Variants in CDV3 observed in about 807,000 individuals in gnomAD.
The protein encoded by CDV3 is protein CDV3 homolog.
In CDV3, 14 loss-of-function variants were observed where a neutral mutation model predicts 24.5. The observed-to-expected ratio is 0.57, with a 90% CI of 0.38 to 0.89. CDV3 has a LOEUF of 0.89. Ranked by LOEUF, CDV3 falls within the 40% of genes least tolerant of loss-of-function variation. The pLI is 0.00. For missense variants in CDV3, 304 were observed against 310.2 expected (o/e 0.98, Z 0.15); for synonymous variants, 114 against 114.1 (o/e 1.00, Z 0.00).
intron 2 of CDV3, among the ~76,000 whole-genome samples, chr3:133,581,039 T>G (rs998375506): frequency 9.2e-5 from 14 of 152,094 alleles, no homozygotes; most frequent in African/African-American, 3.4e-4. Context: ...AAACTTCCAG[T>G]TGAGATACTG....
At chr3:133,587,312 A>G (rs1024204740) in intron 4 of CDV3, 6 of 1,257,106 alleles carry the variant, frequency 4.8e-6, no homozygotes, top group Non-Finnish European at 6.1e-6. Context: ...GGCTTTTAGA[A>G]TAAATCCCAG....
chr3:133,581,831 A>T (rs1246292098), intron 2 of CDV3, among the ~76,000 whole-genome samples: 1 of 152,242 alleles, frequency 6.6e-6, no homozygotes, highest in Admixed American at 6.5e-5. Context: ...TTTATATGAC[A>T]TGAATACTAC....
At position 133,588,797 on chromosome 3, in the gene CDV3, GTT is replaced by G. The variant is rs36026901; in HGVS notation, c.*762_*763del. The G allele has an allele frequency of 2.3e-3, 351 of 151,218 alleles. 2 individuals are homozygous for G. Among genetic ancestry groups the G allele is most frequent in the East Asian group, 0.015 (82 of 5,316 alleles). The allele number at this position is 151,218 out of a possible 1,614,324, so 9.4% of individuals were successfully genotyped here. A position where few individuals can be genotyped will look rare whatever the true frequency, so the allele number is the denominator to read the frequency against. ...GGGAAGGGAGAGAATAATCTTGGGG[GTT>G]TTTTTTTTTTGGTAATTTTTTTATT... On this transcript the variant is annotated 3_prime_UTR_variant, in exon 5 of 5. Transcript: ENST00000264993.
rs189599320 is a variant in CDV3, at chr3:133,577,336, C to T, written c.317+2221C>T. ...TTTCTATTTCTCGGTATACTGAGAG[C>T]TGCAGATGTCACATTCAGTCTTTTT... On this transcript the variant is annotated intron_variant, in intron 2 of 4. Coordinates refer to ENST00000264993, the MANE Select transcript of CDV3 (RefSeq NM_017548.5). Among the ~76,000 whole-genome samples the T allele has an allele frequency of 1.3e-4, 20 of 151,210 alleles. No individual in the cohort carries two copies. In the East Asian group the frequency reaches 2.9e-3, roughly 22 times the overall value.
intron 1 of CDV3, chr3:133,574,719 A>G (rs938690861): frequency 1.2e-5 from 13 of 1,091,560 alleles, no homozygotes; most frequent in African/African-American, 1.7e-5. Flanking sequence ...CCCGTGAAAG[A>G]AAAAGAAAAC....
chr3:133,582,530 G>T (rs1176131665), intron 2 of CDV3, among the ~76,000 whole-genome samples: 1 of 152,232 alleles, frequency 6.6e-6, no homozygotes, highest in African/African-American at 2.4e-5. Context: ...AGCTAGTCAA[G>T]AACTTTGTCT....
chr3:133,585,525 C>T (rs1365235596), intron 3 of CDV3, among the ~76,000 whole-genome samples: 2 of 148,016 alleles, frequency 1.4e-5, no homozygotes, highest in Admixed American at 6.8e-5. Context: ...GACAAAGTCT[C>T]ACTCTCTTGC....
chr3:133,574,431 C>G (rs1420413379), intron 1 of CDV3, 147 bp downstream of exon 1: 2 of 984,786 alleles, frequency 2.0e-6, no homozygotes, highest in Non-Finnish European at 2.4e-6. Context: ...GGCTCTCCAC[C>G]TCGGGCTGGG....
In CDV3 at chr3:133,588,345, A is replaced by G; in HGVS notation, c.*299A>G. On this transcript the variant is annotated 3_prime_UTR_variant, in exon 5 of 5. Transcript: ENST00000264993. ...CCAGTGGTCATTTCAAAATCTTTTT[A>G]TGTTCAGATACTGAGCCTTCATAAG... 6.5e-7 allele frequency: 1 copy of G among 1,536,250 alleles called. No individual in the cohort carries two copies. Among genetic ancestry groups the G allele is most frequent in the South Asian group, 1.2e-5 (1 of 84,062 alleles).
chr3:133,587,324 C>T, intron 4 of CDV3: 3 of 1,254,746 alleles, frequency 2.4e-6, no homozygotes, highest in East Asian at 3.2e-5. Flanking sequence ...AAATCCCAGC[C>T]TTTTCACCAC....
At chr3:133,575,369 TGAGACAGCTAAAGTG>T (rs2074767049) in intron 2 of CDV3, among the ~76,000 whole-genome samples, 1 of 152,254 alleles carries the variant, frequency 6.6e-6, no homozygotes, top group African/African-American at 2.4e-5. Flanking sequence ...ACTTTTCATT[TGAGACAGCTAAAGTG>T]GATTTTGTCG....
intron 2 of CDV3, among the ~76,000 whole-genome samples, chr3:133,576,847 T>C (rs2074831759): frequency 1.7e-5 from 2 of 114,720 alleles, no homozygotes; most frequent in African/African-American, 6.5e-5. Flanking sequence ...CTAGCTTTTT[T>C]TTTTTTTTTT....
At chr3:133,587,834 G>T in intron 4 of CDV3, 62 bp from the exon 5 acceptor site, 3 of 1,523,704 alleles carry the variant, frequency 2.0e-6, no homozygotes, top group Non-Finnish European at 2.6e-6. Flanking sequence ...ATTCAAGGAC[G>T]AATATTTTCA....
At chr3:133,577,790 T>G (rs534705836) in intron 2 of CDV3, among the ~76,000 whole-genome samples, 16 of 152,356 alleles carry the variant, frequency 1.1e-4, no homozygotes, top group Non-Finnish European at 8.8e-5. Flanking sequence ...AAGATCCTAT[T>G]TCACATTTAC....
chr3:133,586,654 A>C lies in CDV3; in HGVS notation c.558A>C (p.Pro186=). The change falls in exon 4 of 5, where the codon CCA becomes CCC. Residue 186 remains proline, a synonymous_variant. Transcript: ENST00000264993. ...LTTTRKTPQG[P]PEIYSDTQFP... ...CAACAAGGAAAACACCACAAGGACC[A>C]CCAGAAATCTACAGTGATACACAGT... The C allele has an allele frequency of 6.3e-7, 1 of 1,598,918 alleles. No homozygotes were observed. The highest frequency in any genetic ancestry group is 8.6e-7 in the Non-Finnish European group (1 of 1,166,080).
At chr3:133,582,734 T>C (rs1426084183) in intron 2 of CDV3, among the ~76,000 whole-genome samples, 1 of 152,094 alleles carries the variant, frequency 6.6e-6, no homozygotes, top group Non-Finnish European at 1.5e-5. Context: ...AAAGGTAGAA[T>C]GGTGAAGGAG....
At position 133,582,229 on chromosome 3, in the gene CDV3, C is replaced by T. The variant is rs956598902; in HGVS notation, c.318-1773C>T. Among the ~76,000 whole-genome samples, 13 of 152,090 alleles carry T rather than the reference C, an allele frequency of 8.5e-5. 1 individual carries two copies. Among genetic ancestry groups the T allele is most frequent in the Non-Finnish European group, 8.8e-5 (6 of 68,022 alleles). On this transcript the variant is annotated intron_variant, in intron 2 of 4. Transcript: ENST00000264993. ...TGGAGTGCAGTGGCACAGTCTTGGC[C>T]CACTACAACCTCTGCCTCCCAGGTT... is the stretch of plus-strand genomic sequence containing the variant.
At position 133,588,112 on chromosome 3, in the gene CDV3, A is replaced by T; in HGVS notation, c.*66A>T. 2 of 1,582,846 alleles carry T rather than the reference A, an allele frequency of 1.3e-6. No individual in the cohort carries two copies. The highest frequency in any genetic ancestry group is 1.7e-6 in the Non-Finnish European group (2 of 1,165,238). On this transcript the variant is annotated 3_prime_UTR_variant, in exon 5 of 5. Coordinates refer to ENST00000264993, the MANE Select transcript of CDV3 (RefSeq NM_017548.5). Reference sequence around the variant, plus strand: ...AGCTAACCACCACCAACAGCCATTCATCATCTGATCTCTGCTGGATCTACA... The same window carrying T: ...AGCTAACCACCACCAACAGCCATTCTTCATCTGATCTCTGCTGGATCTACA...
Position 133,589,952 on chromosome 3 carries a change from A to G in CDV3, c.*1906A>G, listed in dbSNP as rs1933953710. ...TCGTTGAACTGTGCATTTTCCCTGCATTTTTTCCCAACAAAATTTTGTTGG... is the reference window on the plus strand; with the variant it reads ...TCGTTGAACTGTGCATTTTCCCTGCGTTTTTTCCCAACAAAATTTTGTTGG... On this transcript the variant is annotated 3_prime_UTR_variant, in exon 5 of 5. Coordinates refer to ENST00000264993, the MANE Select transcript of CDV3 (RefSeq NM_017548.5). The G allele has an allele frequency of 6.6e-6, 1 of 152,158 alleles. No homozygotes were observed. The highest frequency in any genetic ancestry group is 2.4e-5 in the African/African-American group (1 of 41,436). The allele number at this position is 152,158 out of a possible 1,614,324, so 9.4% of individuals were successfully genotyped here.
Sources: allele counts gnomAD v4.1 joint callset (sites outside exome capture counted in the v4.1 genomes callset), GRCh38; gene constraint gnomAD v4.1.1; transcripts MANE v1.5; gene names NCBI Gene and HGNC (gene_info 2026-07-23, HGNC 2026-07-21).